COL4A4: variants seen among roughly 807,000 people sequenced by gnomAD.
COL4A4 encodes collagen type IV alpha 4 chain.
Under a neutral mutation model 192.9 loss-of-function variants are expected in COL4A4, and 105 were observed. That is an observed-to-expected ratio of 0.54 (90% confidence interval 0.46 to 0.64). The LOEUF (loss-of-function observed/expected upper bound fraction) is 0.64. Among genes scored for constraint, COL4A4 ranks in the 30% least tolerant of loss-of-function variants. COL4A4 has a pLI of 0.00. For missense variants in COL4A4, 1,967 were observed against 2,169.3 expected (o/e 0.91, Z 1.85); for synonymous variants, 762 against 769.9 (o/e 0.99, Z 0.17).
chr2:227,162,539 TG>T (rs376584983), intron 1 of COL4A4, among the ~76,000 whole-genome samples: 13 of 152,282 alleles, frequency 8.5e-5, no homozygotes, highest in African/African-American at 2.9e-4. Context: ...TCCCTACCAA[TG>T]GAAAGAAGCT....
intron 3 of COL4A4, among the ~76,000 whole-genome samples, chr2:227,143,272 A>T (rs1402315058): frequency 6.6e-6 from 1 of 152,338 alleles, no homozygotes. Context: ...TCTATACTGA[A>T]CACTACCCTG....
At chr2:227,068,440 C>A (rs988195365) in intron 25 of COL4A4, among the ~76,000 whole-genome samples, 1 of 152,196 alleles carries the variant, frequency 6.6e-6, no homozygotes, top group African/African-American at 2.4e-5. Flanking sequence ...GACCAATATC[C>A]TTGATGAACA....
the COL4A4 span, among the ~76,000 whole-genome samples, chr2:226,981,268 T>C: frequency 6.6e-6 from 1 of 152,038 alleles, no homozygotes; most frequent in Non-Finnish European, 1.5e-5. Context: ...CTAATGTAAA[T>C]GCCGAGTTGA....
intron 27 of COL4A4, 31 bp downstream of exon 27, chr2:227,060,101 GAAAA>G (rs71422223): frequency 2.1e-4 from 106 of 505,516 alleles, no homozygotes; most frequent in Middle Eastern, 5.7e-4. Flanking sequence ...TCCCAAAGCA[GAAAA>G]AAAAAAAAAA....
At chr2:227,150,573 T>C (rs1174866089) in intron 1 of COL4A4, among the ~76,000 whole-genome samples, 1 of 152,164 alleles carries the variant, frequency 6.6e-6, no homozygotes, top group Non-Finnish European at 1.5e-5. Flanking sequence ...TAAGAAGAAA[T>C]ACCTGAGACT....
chr2:226,970,141 C>T, the COL4A4 span, among the ~76,000 whole-genome samples: 1 of 151,840 alleles, frequency 6.6e-6, no homozygotes, highest in African/African-American at 2.4e-5. Context: ...AATCACATGG[C>T]CTCCTAGGAT....
chr2:227,076,844 T>A (rs746380615), intron 25 of COL4A4, among the ~76,000 whole-genome samples: 12 of 152,082 alleles, frequency 7.9e-5, no homozygotes, highest in Non-Finnish European at 1.5e-4. Flanking sequence ...CAGATATCCT[T>A]CTTCTCAAAA....
At chr2:227,162,380 AT>A (rs935910054) in intron 1 of COL4A4, among the ~76,000 whole-genome samples, 1 of 152,058 alleles carries the variant, frequency 6.6e-6, no homozygotes, top group Non-Finnish European at 1.5e-5. Flanking sequence ...TAGCATTGAG[AT>A]TTTTTTGTTT....
intron 45 of COL4A4, 37 bp downstream of exon 45, chr2:227,012,144 A>G (rs1242474113): frequency 6.8e-7 from 1 of 1,477,504 alleles, no homozygotes; most frequent in Non-Finnish European, 9.5e-7. Flanking sequence ...TCTAAGGTTT[A>G]CAGTGTCAGA....
chr2:227,147,334 C>T (rs1246891487), intron 2 of COL4A4, 79 bp downstream of exon 2: 2 of 1,370,084 alleles, frequency 1.5e-6, no homozygotes, highest in African/African-American at 2.9e-5. Context: ...ATTAAGCATT[C>T]AGACGGTTTA....
Position 227,051,012 on chromosome 2 carries a change from C to T in COL4A4, c.3115G>A (p.Gly1039Arg), listed in dbSNP as rs1245186753. Residue 1039 changes from glycine to arginine, a missense_variant, in exon 33 of 48, where the codon GGG becomes AGG. Transcript: ENST00000396625. ...GGAAGTCCTGGAAAACCAATGAACCCTCTTAGACCAGTTGAGCCTGGAGGG... is the reference window on the plus strand; with the variant it reads ...GGAAGTCCTGGAAAACCAATGAACCTTCTTAGACCAGTTGAGCCTGGAGGG... ...PGPPGSTGLR[G>R]FIGFPGLPGD... 6.2e-7 allele frequency: 1 copy of T among 1,614,118 alleles called. No homozygotes were observed. The highest frequency in any genetic ancestry group is 8.5e-7 in the Non-Finnish European group (1 of 1,180,050).
At chr2:226,996,032 GCCTCAGCT>G in the COL4A4 span, 1 of 157,586 alleles carries the variant, frequency 6.3e-6, no homozygotes, top group Non-Finnish European at 1.4e-5. Flanking sequence ...CAACCCCGGC[GCCTCAGCT>G]CCTCAGCTCC....
At chr2:227,028,644 TTTATTATTATTATTATTATTA>T (rs56914189) in intron 41 of COL4A4, among the ~76,000 whole-genome samples, 2 of 141,894 alleles carry the variant, frequency 1.4e-5, no homozygotes, top group African/African-American at 2.6e-5. Flanking sequence ...ATAAAAGAAA[TTTATTATTATTATTATTATTA>T]TTATTATTAT....
chr2:227,041,846 A>AAGAAAGAAAGAAAGAGAGAGAG (rs1559478097), intron 37 of COL4A4, among the ~76,000 whole-genome samples: 13 of 39,314 alleles, frequency 3.3e-4, no homozygotes, highest in South Asian at 2.1e-3. Context: ...GAAAGAAAGA[A>AAGAAAGAAAGAAAGAGAGAGAG]AGAGAAAGAA....
chr2:227,120,554 A>G (rs1178891988), intron 5 of COL4A4, among the ~76,000 whole-genome samples: 1 of 152,146 alleles, frequency 6.6e-6, no homozygotes, highest in Non-Finnish European at 1.5e-5. Flanking sequence ...CTCCTCTGGA[A>G]AGGGGCCAAA....
chr2:226,983,320 T>C, the COL4A4 span, among the ~76,000 whole-genome samples: 1 of 152,168 alleles, frequency 6.6e-6, no homozygotes, highest in Non-Finnish European at 1.5e-5. Flanking sequence ...TATTTAGCCC[T>C]TCGAAGCATG....
At chr2:227,034,673 G>A (rs891985817) in intron 37 of COL4A4, among the ~76,000 whole-genome samples, 11 of 149,162 alleles carry the variant, frequency 7.4e-5, no homozygotes, top group African/African-American at 1.5e-4. Context: ...CCACTAACTC[G>A]TCATCTAGCA....
In COL4A4 at chr2:227,089,651, T is replaced by A. The variant is rs1221254412; in HGVS notation, c.1459+217A>T. 4.6e-3 allele frequency among the ~76,000 whole-genome samples: 629 copies of A among 137,076 alleles called. 11 individuals are homozygous for A. The highest frequency in any genetic ancestry group is 7.3e-3 in the South Asian group (30 of 4,132). The allele number at this position is 137,076 out of a possible 152,430, so 89.9% of individuals were successfully genotyped here. A position where few individuals can be genotyped will look rare whatever the true frequency, so the allele number is the denominator to read the frequency against. On this transcript the variant is annotated intron_variant, in intron 21 of 47. Transcript: ENST00000396625. ...TATATAAGACACAAGGCTTTGACTTTTATAATATATAAGACACAAGGCTTT... is the reference window on the plus strand; with the variant it reads ...TATATAAGACACAAGGCTTTGACTTATATAATATATAAGACACAAGGCTTT...
At chr2:227,152,849 G>A (rs1159938529) in intron 1 of COL4A4, among the ~76,000 whole-genome samples, 2 of 152,102 alleles carry the variant, frequency 1.3e-5, no homozygotes, top group Non-Finnish European at 2.9e-5. Flanking sequence ...GGGAATAGAC[G>A]AAGCAGTGTG....
Sources: gnomAD v4.1 joint callset for allele counts (sites outside exome capture counted in the v4.1 genomes callset) on GRCh38, gnomAD v4.1.1 for gene constraint, MANE v1.5 for transcripts, NCBI Gene and HGNC (gene_info 2026-07-23, HGNC 2026-07-21) for gene names.